The following WWOX variants were observed in gnomAD, a reference collection of about 807,000 sequenced individuals.
The protein encoded by WWOX is WW domain-containing oxidoreductase.
A neutral mutation model predicts 46.2 loss-of-function variants in WWOX; 69 were observed. The observed-to-expected ratio is 1.49, with a 90% CI of 1.23 to 1.82. The LOEUF is 1.82. Among genes scored for constraint, WWOX ranks in the 40% most tolerant of loss-of-function variants. The pLI is 0.00. For synonymous variants in WWOX, 359 were observed against 202.6 expected (o/e 1.77, Z -6.56); for missense variants, 919 against 542.6 (o/e 1.69, Z -6.89).
At chr16:78,465,164 G>C (rs189986684) in intron 8 of WWOX, among the ~76,000 whole-genome samples, 1 of 152,180 alleles carries the variant, frequency 6.6e-6, no homozygotes, top group African/African-American at 2.4e-5. Context: ...GGAGTTCTGG[G>C]AACTACAGTT....
At chr16:78,917,462 C>G (rs1394570) in intron 8 of WWOX, among the ~76,000 whole-genome samples, 117,281 of 151,742 alleles carry the variant, frequency 0.77, 47,788 homozygotes, top group South Asian at 0.93. Context: ...TCGGTAGCTA[C>G]CTACCCCGAG....
chr16:78,246,873 C>T (rs370619411), intron 5 of WWOX, among the ~76,000 whole-genome samples: 45 of 151,920 alleles, frequency 3.0e-4, no homozygotes, highest in African/African-American at 7.7e-4. Context: ...CCCTGACTCC[C>T]GAGAGAGGAA....
At chr16:78,367,602 T>G (rs1323053474) in intron 5 of WWOX, among the ~76,000 whole-genome samples, 1 of 152,162 alleles carries the variant, frequency 6.6e-6, no homozygotes, top group Non-Finnish European at 1.5e-5. Flanking sequence ...GTAAAGTATT[T>G]ACGGATGTGG....
intron 5 of WWOX, among the ~76,000 whole-genome samples, chr16:78,210,526 C>G (rs1254511884): frequency 6.6e-6 from 1 of 152,100 alleles, no homozygotes; most frequent in Non-Finnish European, 1.5e-5. Context: ...CTCTCTTTCT[C>G]TGTCTCTCTC....
chr16:79,036,258 C>G (rs1047278968), intron 8 of WWOX, among the ~76,000 whole-genome samples: 1 of 152,230 alleles, frequency 6.6e-6, no homozygotes, highest in Non-Finnish European at 1.5e-5. Context: ...ATGGGGCCTA[C>G]TTTTTGCCCT....
chr16:79,029,673 T>C (rs1268092761), intron 8 of WWOX, among the ~76,000 whole-genome samples: 1 of 152,238 alleles, frequency 6.6e-6, no homozygotes, highest in Non-Finnish European at 1.5e-5. Flanking sequence ...GCTTGTCCTT[T>C]AAACTTTAGG....
At chr16:78,823,477 C>G (rs2051561477) in intron 8 of WWOX, among the ~76,000 whole-genome samples, 1 of 152,162 alleles carries the variant, frequency 6.6e-6, no homozygotes, top group African/African-American at 2.4e-5. Context: ...ACCATGGTGA[C>G]CCACATCTCA....
intron 5 of WWOX, among the ~76,000 whole-genome samples, chr16:78,379,972 A>G (rs2081919685): frequency 6.6e-6 from 1 of 152,234 alleles, no homozygotes; most frequent in Non-Finnish European, 1.5e-5. Context: ...TGGAAAACGC[A>G]TTCATCTTTA....
In WWOX at chr16:79,212,246, C is replaced by A; in HGVS notation, c.*450C>A. 7.5e-7 allele frequency: 1 copy of A among 1,335,158 alleles called. No individual in the cohort carries two copies. The highest frequency in any genetic ancestry group is 1.6e-5 in the South Asian group (1 of 63,914). 82.7% of individuals were successfully genotyped at this position (1,335,158 alleles called of 1,614,324 possible). On this transcript the variant is annotated 3_prime_UTR_variant, in exon 9 of 9. Coordinates refer to ENST00000566780, the MANE Select transcript of WWOX (RefSeq NM_016373.4). Reference sequence around the variant, plus strand: ...GTTCACTGCTCCTTGCTGCATTGATCCAGGAGATAATTGTTTCATTCATCC... The same window carrying A: ...GTTCACTGCTCCTTGCTGCATTGATACAGGAGATAATTGTTTCATTCATCC...
At chr16:78,413,817 G>A (rs74514506) in intron 6 of WWOX, among the ~76,000 whole-genome samples, 5,334 of 152,030 alleles carry the variant, frequency 0.035, 295 homozygotes, top group African/African-American at 0.12. Flanking sequence ...TGGGGCCACC[G>A]TGTTGTCAGA....
intron 3 of WWOX, among the ~76,000 whole-genome samples, chr16:78,114,259 C>G (rs1024529175): frequency 3.3e-5 from 5 of 152,036 alleles, no homozygotes; most frequent in African/African-American, 1.2e-4. Flanking sequence ...TGCTATCACA[C>G]TTGAAATTTT....
At chr16:78,948,628 T>C (rs143388076) in intron 8 of WWOX, among the ~76,000 whole-genome samples, 10 of 152,014 alleles carry the variant, frequency 6.6e-5, no homozygotes, top group African/African-American at 1.9e-4. Context: ...GAGCATAAAC[T>C]TGGGGGTTCC....
rs530805064 is a variant in WWOX, at chr16:78,741,759, G to C, written c.1056+309007G>C. ...AGTCTCAGCTACTCAGGAGGCTGAGGCAGGAGAATTGCTTGAATCCAGGAG... is the reference window on the plus strand; with the variant it reads ...AGTCTCAGCTACTCAGGAGGCTGAGCCAGGAGAATTGCTTGAATCCAGGAG... On this transcript the variant is annotated intron_variant, in intron 8 of 8. Transcript: ENST00000566780. Among the ~76,000 whole-genome samples, 4 of 152,234 alleles carry C rather than the reference G, an allele frequency of 2.6e-5. No homozygotes were observed. The East Asian group carries it at 7.7e-4, about 29-fold the overall frequency.
At chr16:79,047,159 A>C (rs570136129) in intron 8 of WWOX, among the ~76,000 whole-genome samples, 1 of 152,158 alleles carries the variant, frequency 6.6e-6, no homozygotes, top group Non-Finnish European at 1.5e-5. Context: ...CATTCAGTCA[A>C]TAAATATTTA....
At chr16:78,736,071 T>G (rs984210613) in intron 8 of WWOX, among the ~76,000 whole-genome samples, 1 of 152,196 alleles carries the variant, frequency 6.6e-6, no homozygotes, top group Non-Finnish European at 1.5e-5. Context: ...CGGCTTCGCT[T>G]GCTTTATCAA....
intron 5 of WWOX, among the ~76,000 whole-genome samples, chr16:78,209,751 A>G (rs1201668907): frequency 1.3e-5 from 2 of 152,108 alleles, no homozygotes; most frequent in East Asian, 1.9e-4. Flanking sequence ...AAAAAAAAAA[A>G]AAAGAAACCT....
At chr16:78,351,422 T>G (rs989218657) in intron 5 of WWOX, among the ~76,000 whole-genome samples, 3 of 152,226 alleles carry the variant, frequency 2.0e-5, no homozygotes, top group South Asian at 2.1e-4. Flanking sequence ...ACTATGGCCA[T>G]GAAACCTTGC....
At chr16:78,188,405 G>A (rs1178968249) in intron 5 of WWOX, among the ~76,000 whole-genome samples, 1 of 151,342 alleles carries the variant, frequency 6.6e-6, no homozygotes, top group African/African-American at 2.4e-5. Context: ...GGACAATGGC[G>A]TGAACCCAGG....
At chr16:78,784,362 A>T (rs1159302320) in intron 8 of WWOX, among the ~76,000 whole-genome samples, 1 of 152,058 alleles carries the variant, frequency 6.6e-6, no homozygotes, top group African/African-American at 2.4e-5. Context: ...TCCTCATTGT[A>T]TCTGAAGACT....
Sources: allele counts gnomAD v4.1 joint callset (sites outside exome capture counted in the v4.1 genomes callset), GRCh38; gene constraint gnomAD v4.1.1; transcripts MANE v1.5; gene names NCBI Gene and HGNC (gene_info 2026-07-23, HGNC 2026-07-21).